The following ARL16 variants were observed in gnomAD, a reference collection of about 807,000 sequenced individuals.
ARL16 encodes ADP-ribosylation factor-like protein 16.
ARL16 carries 21 observed loss-of-function variants against 14.1 expected under a neutral mutation model. The observed-to-expected ratio is 1.48, with a 90% confidence interval of 1.05 to 2.14. ARL16 has a LOEUF of 2.14. ARL16 is among the 30% of genes most tolerant of loss of function. The pLI is 0.00. For missense variants in ARL16, 248 were observed against 222.0 expected (o/e 1.12, Z -0.74); for synonymous variants, 122 against 91.8 (o/e 1.33, Z -1.88).
rs529425083 is a variant in ARL16 at position 81,681,592 on chromosome 17, C to G, written c.*116G>C. The G allele has an allele frequency of 1.3e-5, 16 of 1,197,600 alleles. No individual in the cohort carries two copies. The Admixed American group carries it at 1.9e-4, about 15-fold the overall frequency. 74.2% of individuals were successfully genotyped at this position (1,197,600 alleles called of 1,614,324 possible). ...ATTGCATCTCAGCACAGAGCCCCAT[C>G]ATGTAGGGTTACTTTGGGTTATTCT... On this transcript the variant is annotated 3_prime_UTR_variant, in exon 5 of 5. Coordinates refer to ENST00000622299, the MANE Select transcript of ARL16 (RefSeq NM_001040025.3).
At position 81,683,555 on chromosome 17, in the gene ARL16, G is replaced by C. The variant is rs769257977; in HGVS notation, c.101C>G (p.Pro34Arg). Residue 34 changes from proline to arginine, a missense_variant, in exon 2 of 5, where the codon CCG becomes CGG. By Grantham distance (103) the Pro-to-Arg change is moderately radical. Coordinates refer to ENST00000622299, the MANE Select transcript of ARL16 (RefSeq NM_001040025.3). ...ACCTACCGTGGGCCGTGTCGGGGGC[G>C]GCTCCCCCAGGTCGCCTTTCCCATC... ...SRDGKGDLGEPPPTRPTVGTN... is the reference protein window; with the variant it reads ...SRDGKGDLGERPPTRPTVGTN... The C allele has an allele frequency of 6.3e-7, 1 of 1,598,600 alleles. No individual in the cohort carries two copies. The highest frequency in any genetic ancestry group is 8.5e-7 in the Non-Finnish European group (1 of 1,174,474).
At chr17:81,682,253 AT>A in intron 3 of ARL16, 104 bp from the exon 4 acceptor site, 1 of 798,506 alleles carries the variant, frequency 1.3e-6, no homozygotes, top group Non-Finnish European at 1.9e-6. Flanking sequence ...TTTTTAATTA[AT>A]TAATTTATTT....
chr17:81,683,065 C>T lies in ARL16; in HGVS notation c.182G>A (p.Gly61Glu). 2 of 1,613,476 alleles carry T rather than the reference C, an allele frequency of 1.2e-6. No homozygotes were observed. Among genetic ancestry groups the T allele is most frequent in the Non-Finnish European group, 1.7e-6 (2 of 1,179,744 alleles). ...ACTGGACCAGATGGGGCCCATGCAC[C>T]CCCCAAGCTCCCGGATGGTGATCTT... Reference protein sequence around the residue: ...QRKITIRELGGCMGPIWSSYY... With the variant: ...QRKITIRELGECMGPIWSSYY... The change falls in exon 3 of 5, where the codon GGG (glycine) becomes GAG (glutamate). Residue 61 changes from glycine to glutamate, a missense_variant. Coordinates refer to ENST00000622299, the MANE Select transcript of ARL16 (RefSeq NM_001040025.3).
chr17:81,682,795 G>C (rs1018341625), intron 3 of ARL16: 1 of 579,502 alleles, frequency 1.7e-6, no homozygotes, highest in African/African-American at 1.9e-5. Flanking sequence ...CCCTCAGCAA[G>C]CCCTCTGTGA....
chr17:81,681,881 T>C lies in ARL16; in HGVS notation c.351-2A>G. The C allele has an allele frequency of 1.2e-6, 2 of 1,611,376 alleles. No individual in the cohort carries two copies. The highest frequency in any genetic ancestry group is 1.1e-5 in the South Asian group (1 of 90,842). On this transcript the variant is annotated splice_acceptor_variant, in intron 4 of 4. Transcript: ENST00000622299. LOFTEE classifies it high-confidence loss of function. Reference sequence around the variant, plus strand: ...GTGGACATGTAACAGGGTAGGTCGCTGGAGAGAAAGAGGTGCCCCATCAGA... The same window carrying C: ...GTGGACATGTAACAGGGTAGGTCGCCGGAGAGAAAGAGGTGCCCCATCAGA...
At position 81,681,495 on chromosome 17, in the gene ARL16, C is replaced by T. The variant is rs1373523645; in HGVS notation, c.*213G>A. The T allele has an allele frequency of 1.7e-6, 1 of 587,490 alleles. No individual in the cohort carries two copies. The highest frequency in any genetic ancestry group is 2.8e-6 in the Non-Finnish European group (1 of 351,440). 36.4% of individuals were successfully genotyped at this position (587,490 alleles called of 1,614,324 possible). On this transcript the variant is annotated 3_prime_UTR_variant, in exon 5 of 5. Transcript: ENST00000622299. ...GGATTACAGGTGTGAGCCACCATGC[C>T]TAGCCCCTGGGGACACTTTTTTCAG... is the stretch of plus-strand genomic sequence containing the variant.
At position 81,681,891 on chromosome 17, in the gene ARL16, G is replaced by T; in HGVS notation, c.351-12C>A. ...AACAGGGTAGGTCGCTGGAGAGAAA[G>T]AGGTGCCCCATCAGAGCAGTGGCAG... On this transcript the variant is annotated splice_polypyrimidine_tract_variant and intron_variant, in intron 4 of 4. Coordinates refer to ENST00000622299, the MANE Select transcript of ARL16 (RefSeq NM_001040025.3). 6.2e-7 allele frequency: 1 copy of T among 1,610,080 alleles called. No individual in the cohort carries two copies. Among genetic ancestry groups the T allele is most frequent in the Non-Finnish European group, 8.5e-7 (1 of 1,178,362 alleles).
Sources: allele counts gnomAD v4.1 joint callset, GRCh38; gene constraint gnomAD v4.1.1; transcripts MANE v1.5; gene names NCBI Gene and HGNC (gene_info 2026-07-23, HGNC 2026-07-21).